Variants in SMARCA2 observed in about 807,000 individuals in gnomAD.
SMARCA2 encodes the protein SWI/SNF related BAF chromatin remodeling complex subunit ATPase 2.
Under a neutral mutation model 199.8 loss-of-function variants are expected in SMARCA2, and 61 were observed. The ratio of observed to expected loss-of-function variants is 0.31; its 90% CI spans 0.25 to 0.38. The LOEUF (loss-of-function observed/expected upper bound fraction) is 0.38. SMARCA2 is among the 10% of genes least tolerant of loss of function. The pLI is 1.00. For missense variants in SMARCA2, 1,344 were observed against 2,012.2 expected (o/e 0.67, Z 6.35); for synonymous variants, 935 against 732.0 (o/e 1.28, Z -4.48).
chr9:2,047,657 G>C lies in SMARCA2; in HGVS notation c.1046+173G>C, dbSNP rs73638365. 1,051 of 766,814 alleles carry C rather than the reference G, an allele frequency of 1.4e-3. 12 individuals carry two copies. The African/African-American group carries it at 0.017, about 12-fold the overall frequency. 47.5% of individuals were successfully genotyped at this position (766,814 alleles called of 1,614,324 possible). On this transcript the variant is annotated intron_variant, in intron 5 of 33. Coordinates refer to ENST00000349721, the MANE Select transcript of SMARCA2 (RefSeq NM_003070.5). ...TCCCGGTGCTGAGGGGAGGCACCGG[G>C]GTTTTGAAGATCAAAAGCCGACGGG...
chr9:2,079,638 A>G (rs1412741376), intron 14 of SMARCA2, among the ~76,000 whole-genome samples: 2 of 152,172 alleles, frequency 1.3e-5, no homozygotes, highest in Non-Finnish European at 2.9e-5. Context: ...CCTGGAACAC[A>G]TTCTGAGGAC....
intron 29 of SMARCA2, among the ~76,000 whole-genome samples, chr9:2,178,918 C>A (rs866922184): frequency 2.0e-5 from 3 of 152,172 alleles, no homozygotes; most frequent in Admixed American, 6.5e-5. Context: ...AAGAGAACCC[C>A]ACCCTGTAGG....
At chr9:2,183,291 C>T (rs1029210197) in intron 31 of SMARCA2, among the ~76,000 whole-genome samples, 1 of 152,200 alleles carries the variant, frequency 6.6e-6, no homozygotes, top group Non-Finnish European at 1.5e-5. Context: ...AAAAGAAACA[C>T]TGCCTCTAAT....
chr9:2,085,600 C>T (rs73638381), intron 17 of SMARCA2: 43 of 151,922 alleles, frequency 2.8e-4, no homozygotes, highest in African/African-American at 9.9e-4. Flanking sequence ...TTTAATTATC[C>T]TTAAACACTT....
chr9:2,123,649 G>A lies in SMARCA2; in HGVS notation c.3763-70G>A. On this transcript the variant is annotated intron_variant, in intron 26 of 33. Transcript: ENST00000349721. This position sits in a 1 kb window ranked among gnomAD's most constrained non-coding sequence, Gnocchi z 4.1. Reference sequence around the variant, plus strand: ...CCATAGGAAGTGACTTGGGGAAGTTGTGTAGTGCTGGGAAGTCTGCACCAT... The same window carrying A: ...CCATAGGAAGTGACTTGGGGAAGTTATGTAGTGCTGGGAAGTCTGCACCAT... 2.2e-6 allele frequency: 3 copies of A among 1,345,330 alleles called. No homozygotes were observed. Among genetic ancestry groups the A allele is most frequent in the Non-Finnish European group, 3.2e-6 (3 of 945,570 alleles). 83.3% of individuals were successfully genotyped at this position (1,345,330 alleles called of 1,614,324 possible). A position where few individuals can be genotyped will look rare whatever the true frequency, so the allele number is the denominator to read the frequency against.
chr9:2,072,339 G>T (rs942119061), intron 10 of SMARCA2, among the ~76,000 whole-genome samples: 1 of 152,076 alleles, frequency 6.6e-6, no homozygotes, highest in South Asian at 2.1e-4. Flanking sequence ...CTGCAATCAG[G>T]AGCAGTCATT....
At chr9:2,186,504 T>G (rs1278802101) in intron 32 of SMARCA2, among the ~76,000 whole-genome samples, 2 of 152,160 alleles carry the variant, frequency 1.3e-5, no homozygotes, top group Non-Finnish European at 2.9e-5. Flanking sequence ...ATTTCTTTTA[T>G]TTATTTATTT....
intron 7 of SMARCA2, chr9:2,058,069 T>C (rs1406916700): frequency 4.5e-6 from 2 of 443,354 alleles, no homozygotes; most frequent in African/African-American, 4.0e-5. Context: ...CTTCTCTTGC[T>C]AAAGCTTACA....
At chr9:2,103,685 AGG>A (rs58635437) in intron 22 of SMARCA2, among the ~76,000 whole-genome samples, 145 of 150,920 alleles carry the variant, frequency 9.6e-4, no homozygotes, top group African/African-American at 3.5e-3. Context: ...AGAGAGAGAG[AGG>A]GCGAGGAGAA....
chr9:2,064,593 CT>C (rs917318396), intron 9 of SMARCA2, among the ~76,000 whole-genome samples: 17 of 152,134 alleles, frequency 1.1e-4, no homozygotes. Flanking sequence ...TTGGTCACCA[CT>C]TTTTTTCTAG....
chr9:2,118,838 GT>G (rs370595524), intron 25 of SMARCA2, among the ~76,000 whole-genome samples: 9 of 151,736 alleles, frequency 5.9e-5, no homozygotes, highest in South Asian at 2.1e-4. Flanking sequence ...TAATTTTGAG[GT>G]TTTTTTTGTT....
At chr9:2,062,750 G>A (rs1011740760) in intron 9 of SMARCA2, among the ~76,000 whole-genome samples, 11 of 152,010 alleles carry the variant, frequency 7.2e-5, no homozygotes, top group African/African-American at 2.7e-4. Context: ...GAGAAGGAGG[G>A]GTACAATGGT....
chr9:2,038,880 A>G lies in SMARCA2; in HGVS notation c.356-586A>G, dbSNP rs114199002. Among the ~76,000 whole-genome samples the G allele has an allele frequency of 9.5e-3, 1,449 of 152,328 alleles. 16 individuals are homozygous for G. Among genetic ancestry groups the G allele is most frequent in the Non-Finnish European group, 0.016 (1,112 of 68,036 alleles). On this transcript the variant is annotated intron_variant, in intron 3 of 33. Transcript: ENST00000349721. ...TAATTGCAAGTTATTCATAACATGC[A>G]TAATAATAAACCAAGTGTTCGCTCT... is the stretch of plus-strand genomic sequence containing the variant.
chr9:2,132,100 A>G (rs1823987785), intron 27 of SMARCA2, among the ~76,000 whole-genome samples: 1 of 152,246 alleles, frequency 6.6e-6, no homozygotes, highest in Non-Finnish European at 1.5e-5. Flanking sequence ...AGGAAGCCAA[A>G]CTGCTAAACT....
chr9:2,123,358 ATGAGT>A lies in SMARCA2; in HGVS notation c.3763-358_3763-354del, dbSNP rs1487566406. Among the ~76,000 whole-genome samples, 1 of 152,154 alleles carries A rather than the reference ATGAGT, an allele frequency of 6.6e-6. No homozygotes were observed. Among genetic ancestry groups the A allele is most frequent in the African/African-American group, 2.4e-5 (1 of 41,416 alleles). On this transcript the variant is annotated intron_variant, in intron 26 of 33. Coordinates refer to ENST00000349721, the MANE Select transcript of SMARCA2 (RefSeq NM_003070.5). This position sits in a 1 kb window ranked among gnomAD's most constrained non-coding sequence, Gnocchi z 4.1. The stretch of plus-strand genomic sequence containing the variant: ...AGAATAAGTTTCTTCCAGGGAAGCA[ATGAGT>A]TGTATAGCCAAGAGGTCATATTTTT...
At chr9:2,132,333 C>T (rs1329913919) in intron 27 of SMARCA2, among the ~76,000 whole-genome samples, 1 of 152,212 alleles carries the variant, frequency 6.6e-6, no homozygotes, top group African/African-American at 2.4e-5. Flanking sequence ...AAGTATGATC[C>T]AGCCTGAAAT....
intron 28 of SMARCA2, among the ~76,000 whole-genome samples, chr9:2,165,554 T>C (rs1825892704): frequency 1.3e-5 from 2 of 152,212 alleles, no homozygotes; most frequent in Non-Finnish European, 2.9e-5. Context: ...TTTGCACAAA[T>C]AGAAAACTTT....
chr9:2,193,363 C>CTTGA lies in SMARCA2; in HGVS notation c.*627_*630dup, dbSNP rs1257259484. 1 of 152,338 alleles carries CTTGA rather than the reference C, an allele frequency of 6.6e-6. No individual in the cohort carries two copies. The highest frequency in any genetic ancestry group is 1.5e-5 in the Non-Finnish European group (1 of 67,970). The allele number at this position is 152,338 out of a possible 1,614,324, so 9.4% of individuals were successfully genotyped here. The stretch of plus-strand genomic sequence containing the variant: ...GTAAACATTGCTTAATTTTTTTGCT[C>CTTGA]TTGATTTAAAAAAAAGTTTTGTTGA... On this transcript the variant is annotated 3_prime_UTR_variant, in exon 34 of 34. Coordinates refer to ENST00000349721, the MANE Select transcript of SMARCA2 (RefSeq NM_003070.5).
In SMARCA2 at chr9:2,047,273, C is replaced by T; in HGVS notation, c.835C>T (p.Pro279Ser). ...LSGPSTPQKLPVPAPGGRPSP... is the reference protein window; with the variant it reads ...LSGPSTPQKLSVPAPGGRPSP... ...CGGCCCGAGCACCCCGCAGAAGCTG[C>T]CGGTGCCCGCGCCCGGCGGCCGGCC... Residue 279 changes from proline to serine, a missense_variant, in exon 5 of 34, where the codon CCG becomes TCG. Physicochemically the swap from Pro to Ser is moderately conservative, Grantham distance 74 (BLOSUM62 -1). Transcript: ENST00000349721. 4.0e-6 allele frequency: 4 copies of T among 1,003,058 alleles called. No homozygotes were observed. The allele number at this position is 1,003,058 out of a possible 1,614,324, so 62.1% of individuals were successfully genotyped here.
Sources: gnomAD v4.1 joint callset for allele counts (sites outside exome capture counted in the v4.1 genomes callset) on GRCh38, gnomAD v4.1.1 for gene constraint, Gnocchi (gnomAD v3.1) non-coding constraint, MANE v1.5 for transcripts, NCBI Gene and HGNC (gene_info 2026-07-23, HGNC 2026-07-21) for gene names.